The following MICAL2 variants were observed in gnomAD, a reference collection of about 807,000 sequenced individuals.
MICAL2 encodes microtubule associated monooxygenase, calponin and LIM domain containing 2.
Under a neutral mutation model 127.3 loss-of-function variants are expected in MICAL2, and 77 were observed. The observed-to-expected ratio is 0.60, with a 90% CI of 0.50 to 0.73. MICAL2 has a LOEUF of 0.73. Ranked by LOEUF, MICAL2 falls within the 30% of genes least tolerant of loss-of-function variation. The pLI is 0.00. For missense variants in MICAL2, 1,351 were observed against 1,434.4 expected, an observed-to-expected ratio of 0.94 and a Z score of 0.94; for synonymous variants, 570 against 551.1, an observed-to-expected ratio of 1.03 and a Z score of -0.48.
In MICAL2 at chr11:12,221,773, G is replaced by A; in HGVS notation, c.1322+14G>A. Reference sequence around the variant, plus strand: ...GCTGGCTGAAAGGTGAGCTTTGACAGTAGGGCTCCTAACTGGGGGGCAGGG... The same window carrying A: ...GCTGGCTGAAAGGTGAGCTTTGACAATAGGGCTCCTAACTGGGGGGCAGGG... On this transcript the variant is annotated intron_variant, in intron 10 of 27. Coordinates refer to ENST00000683283, the MANE Select transcript of MICAL2 (RefSeq NM_001282663.2). 2 of 1,606,062 alleles carry A rather than the reference G, an allele frequency of 1.2e-6. No individual in the cohort carries two copies. The highest frequency in any genetic ancestry group is 1.7e-6 in the Non-Finnish European group (2 of 1,173,948).
downstream of MICAL2, among the ~76,000 whole-genome samples, chr11:12,264,114 G>A (rs2706650): frequency 3.3e-5 from 5 of 151,880 alleles, no homozygotes; most frequent in Admixed American, 6.6e-5. Flanking sequence ...ACCTTTACCC[G>A]TTTCCCCCGC....
At chr11:12,268,265 G>T (rs1330838940), downstream of MICAL2, among the ~76,000 whole-genome samples, 2 of 152,186 alleles carry the variant, frequency 1.3e-5, no homozygotes, top group South Asian at 4.1e-4. Context: ...CCTTCTGAGG[G>T]GCATCATTGT....
chr11:12,343,133 C>A (rs1000138789), intron 32 of MICAL2, among the ~76,000 whole-genome samples: 4 of 152,070 alleles, frequency 2.6e-5, no homozygotes, highest in Admixed American at 2.6e-4. Flanking sequence ...ATAGGCTGGG[C>A]GCCGTGGCTC....
downstream of MICAL2, among the ~76,000 whole-genome samples, chr11:12,293,309 A>G (rs1243748660): frequency 6.6e-6 from 1 of 152,112 alleles, no homozygotes; most frequent in Non-Finnish European, 1.5e-5. Flanking sequence ...AACCCAGCTA[A>G]TCTGGGATTC....
intron 1 of MICAL2, among the ~76,000 whole-genome samples, chr11:12,118,705 C>T (rs996428780): frequency 9.2e-5 from 14 of 152,264 alleles, no homozygotes; most frequent in African/African-American, 3.1e-4. Context: ...GGCTCAAATC[C>T]GAGCCCTGTG....
chr11:12,122,698 C>T (rs1412669763), intron 1 of MICAL2, among the ~76,000 whole-genome samples: 4 of 152,312 alleles, frequency 2.6e-5, no homozygotes, highest in Admixed American at 2.0e-4. Context: ...AGTGAGCCAC[C>T]GCGCCTGGCC....
At chr11:12,284,249 A>G (rs1028038116) in intron 2 of MICAL2, among the ~76,000 whole-genome samples, 2 of 152,290 alleles carry the variant, frequency 1.3e-5, no homozygotes, top group East Asian at 1.9e-4. Context: ...ATTTGATCCA[A>G]TGGAATATGG....
intron 1 of MICAL2, among the ~76,000 whole-genome samples, chr11:12,112,871 A>C (rs1050428992): frequency 1.3e-5 from 2 of 152,184 alleles, no homozygotes; most frequent in Non-Finnish European, 2.9e-5. Flanking sequence ...TGCAAGGAGC[A>C]GCCATATGAT....
At chr11:12,311,436 G>C (rs913325665) in intron 29 of MICAL2, among the ~76,000 whole-genome samples, 2 of 148,006 alleles carry the variant, frequency 1.4e-5, no homozygotes, top group African/African-American at 2.6e-5. Flanking sequence ...TTTTGAGACA[G>C]AGTCTTGCTC....
chr11:12,260,961 GGAGCTGATGCAGTGCCAAAGAT>G (rs1863034427), intron 26 of MICAL2: 11 of 985,474 alleles, frequency 1.1e-5, no homozygotes, highest in Non-Finnish European at 1.2e-5. Context: ...ATTTGACCAT[GGAGCTGATGCAGTGCCAAAGAT>G]GAGCTCTTTC....
At chr11:12,295,533 C>G (rs1049445095), downstream of MICAL2, among the ~76,000 whole-genome samples, 3 of 145,614 alleles carry the variant, frequency 2.1e-5, no homozygotes, top group African/African-American at 7.6e-5. Context: ...CTCATTGTAG[C>G]CTCAAACTCC....
chr11:12,312,080 A>G (rs1864181187), intron 29 of MICAL2, among the ~76,000 whole-genome samples: 2 of 151,662 alleles, frequency 1.3e-5, no homozygotes, highest in South Asian at 2.1e-4. Context: ...ACTTCCTTTA[A>G]TAATACTCTA....
intron 15 of MICAL2, among the ~76,000 whole-genome samples, chr11:12,233,166 A>C (rs564395060): frequency 1.3e-5 from 2 of 152,354 alleles, no homozygotes; most frequent in South Asian, 4.1e-4. Flanking sequence ...ATAGTTTAAG[A>C]AGTGTTTTAC....
At chr11:12,226,800 C>T (rs1246146860) in intron 14 of MICAL2, among the ~76,000 whole-genome samples, 1 of 151,738 alleles carries the variant, frequency 6.6e-6, no homozygotes, top group African/African-American at 2.4e-5. Context: ...CTACAGGTGC[C>T]TACCACCACG....
At chr11:12,300,420 T>C (rs762845934) in intron 29 of MICAL2, among the ~76,000 whole-genome samples, 8 of 55,800 alleles carry the variant, frequency 1.4e-4, no homozygotes, top group African/African-American at 4.7e-4. Context: ...TCACTTTGAG[T>C]TAATCAAAAG....
At chr11:12,360,890 A>G (rs1390552919), downstream of MICAL2, among the ~76,000 whole-genome samples, 5 of 152,168 alleles carry the variant, frequency 3.3e-5, no homozygotes, top group East Asian at 9.6e-4. Context: ...AACCATTTCA[A>G]CATTTCCAAT....
In MICAL2 at chr11:12,268,862, A is replaced by G. The variant is rs530968502; in HGVS notation, c.3335-7124A>G. Reference sequence around the variant, plus strand: ...AAAAAAAAAAAAATTAGCCAGGCGTAGTGGCAGGCGCCTGTAGTCCCAGCT... The same window carrying G: ...AAAAAAAAAAAAATTAGCCAGGCGTGGTGGCAGGCGCCTGTAGTCCCAGCT... On this transcript the variant is annotated intron_variant, in intron 24 of 34. Transcript: ENST00000646065. Among the ~76,000 whole-genome samples the G allele has an allele frequency of 2.1e-4, 32 of 151,904 alleles. No homozygotes were observed. The South Asian group carries it at 3.1e-3, about 15-fold the overall frequency.
chr11:12,354,373 G>A (rs915300394), intron 33 of MICAL2, among the ~76,000 whole-genome samples: 3 of 152,156 alleles, frequency 2.0e-5, no homozygotes, highest in East Asian at 1.9e-4. Flanking sequence ...TCAGGAGGCT[G>A]AGGCAGGAAA....
chr11:12,210,715 G>T (rs1251447409), intron 6 of MICAL2, among the ~76,000 whole-genome samples: 2 of 152,160 alleles, frequency 1.3e-5, no homozygotes, highest in African/African-American at 4.8e-5. Context: ...AGTATAGTTG[G>T]GCATTTCTTG....
Sources: gnomAD v4.1 joint callset for allele counts (sites outside exome capture counted in the v4.1 genomes callset) on GRCh38, gnomAD v4.1.1 for gene constraint, MANE v1.5 for transcripts, NCBI Gene and HGNC (gene_info 2026-07-23, HGNC 2026-07-21) for gene names.